The following ATP10B variants were observed in gnomAD, a reference collection of about 807,000 sequenced individuals.
ATP10B encodes ATPase phospholipid transporting 10B (putative).
In ATP10B, 122 loss-of-function variants were observed where a neutral mutation model predicts 141.2. That is an observed-to-expected ratio of 0.86 (90% CI 0.75 to 1.00). The LOEUF (loss-of-function observed/expected upper bound fraction) is 1.00, where lower values mean the gene tolerates loss of function less well. Ranked by LOEUF, ATP10B falls within the 50% of genes least tolerant of loss-of-function variation. The pLI, the probability that ATP10B is intolerant of heterozygous loss-of-function variation, is 0.00. For synonymous variants in ATP10B, 685 were observed against 692.0 expected (o/e 0.99, Z 0.16); for missense variants, 1,876 against 1,825.3 (o/e 1.03, Z -0.51).
At chr5:160,839,191 G>C (rs989575989) in intron 1 of ATP10B, among the ~76,000 whole-genome samples, 1 of 152,100 alleles carries the variant, frequency 6.6e-6, no homozygotes, top group South Asian at 2.1e-4. Flanking sequence ...GAATGAAATG[G>C]GATATTGAAT....
At chr5:160,845,429 T>C (rs1776061927) in intron 1 of ATP10B, among the ~76,000 whole-genome samples, 2 of 152,048 alleles carry the variant, frequency 1.3e-5, no homozygotes, top group African/African-American at 4.8e-5. Flanking sequence ...GAGAGGGTGG[T>C]GACTGGGAAG....
At position 160,564,671 on chromosome 5, in the gene ATP10B, T is replaced by TA. The variant is rs961252871; in HGVS notation, c.*781dup. 2.6e-5 allele frequency: 4 copies of TA among 152,070 alleles called. No individual in the cohort carries two copies. Among genetic ancestry groups the TA allele is most frequent in the African/African-American group, 9.7e-5 (4 of 41,404 alleles). The allele number at this position is 152,070 out of a possible 1,614,324, so 9.4% of individuals were successfully genotyped here. A position where few individuals can be genotyped will look rare whatever the true frequency, so the allele number is the denominator to read the frequency against. On this transcript the variant is annotated 3_prime_UTR_variant, in exon 26 of 26. Transcript: ENST00000327245. ...TAAAAATAGATACAATAAATAGCTT[T>TA]AAAAAAAGAGTGCCACCTATGTCCT...
chr5:160,836,761 A>G (rs1449630949), intron 1 of ATP10B, among the ~76,000 whole-genome samples: 2 of 152,052 alleles, frequency 1.3e-5, no homozygotes, highest in African/African-American at 2.4e-5. Context: ...ACACCCATGC[A>G]TAACCTTCAA....
intron 22 of ATP10B, among the ~76,000 whole-genome samples, chr5:160,592,425 T>G (rs1004100602): frequency 6.6e-6 from 1 of 152,040 alleles, no homozygotes; most frequent in African/African-American, 2.4e-5. Context: ...TAAGAAATAA[T>G]TGGGGCAGCC....
the ATP10B span, among the ~76,000 whole-genome samples, chr5:160,926,895 C>T: frequency 6.6e-6 from 1 of 152,224 alleles, no homozygotes. Flanking sequence ...CCTGTGTATT[C>T]GCTGCTCCCC....
intron 7 of ATP10B, among the ~76,000 whole-genome samples, chr5:160,654,552 C>T (rs1177123951): frequency 6.6e-6 from 1 of 152,176 alleles, no homozygotes; most frequent in African/African-American, 2.4e-5. Context: ...GGAGCACTTA[C>T]TATGTGCCAG....
intron 1 of ATP10B, among the ~76,000 whole-genome samples, chr5:160,796,271 C>CT (rs1406377547): frequency 6.6e-6 from 1 of 152,218 alleles, no homozygotes; most frequent in Non-Finnish European, 1.5e-5. Context: ...CTCCATCACC[C>CT]TCTCCAAGTC....
intron 7 of ATP10B, among the ~76,000 whole-genome samples, chr5:160,655,973 G>A (rs552603430): frequency 3.9e-5 from 6 of 152,210 alleles, no homozygotes; most frequent in African/African-American, 1.4e-4. Context: ...ATCACTCCCC[G>A]GGGTTGAGGT....
At chr5:160,637,930 G>A (rs959796097) in intron 10 of ATP10B, among the ~76,000 whole-genome samples, 1 of 152,222 alleles carries the variant, frequency 6.6e-6, no homozygotes, top group African/African-American at 2.4e-5. Flanking sequence ...ATGGCACAGA[G>A]TAAGGGCCAC....
the ATP10B span, among the ~76,000 whole-genome samples, chr5:160,866,113 T>C: frequency 6.6e-6 from 1 of 151,326 alleles, no homozygotes; most frequent in Non-Finnish European, 1.5e-5. Context: ...CATATGCACA[T>C]GTATGTTTAT....
At chr5:160,792,579 C>T (rs989873130) in intron 1 of ATP10B, among the ~76,000 whole-genome samples, 1 of 152,088 alleles carries the variant, frequency 6.6e-6, no homozygotes, top group African/African-American at 2.4e-5. Context: ...GAAAACAGTA[C>T]AGCAGTCACC....
intron 13 of ATP10B, 23 bp from the exon 14 acceptor site, chr5:160,622,608 A>G: frequency 6.3e-7 from 1 of 1,596,084 alleles, no homozygotes; most frequent in East Asian, 2.2e-5. Flanking sequence ...GGCCAGAATG[A>G]GAGTCTTTTC....
At chr5:160,629,182 G>A (rs1758774848) in intron 13 of ATP10B, among the ~76,000 whole-genome samples, 1 of 152,124 alleles carries the variant, frequency 6.6e-6, no homozygotes, top group East Asian at 1.9e-4. Context: ...ACAGAAGGCA[G>A]GTGGAAGGGG....
chr5:160,900,818 A>G, the ATP10B span, among the ~76,000 whole-genome samples: 1 of 151,680 alleles, frequency 6.6e-6, no homozygotes, highest in African/African-American at 2.4e-5. Context: ...TGGTTTAAAA[A>G]TATTTGTGAT....
At chr5:160,702,143 TACTTC>T (rs1561769867) in intron 3 of ATP10B, among the ~76,000 whole-genome samples, 1 of 152,232 alleles carries the variant, frequency 6.6e-6, no homozygotes, top group East Asian at 1.9e-4. Context: ...CACTAAGAAA[TACTTC>T]ACTTATTTGA....
At chr5:160,745,576 T>A (rs1034246082) in intron 2 of ATP10B, among the ~76,000 whole-genome samples, 1 of 152,250 alleles carries the variant, frequency 6.6e-6, no homozygotes, top group Non-Finnish European at 1.5e-5. Flanking sequence ...TCATGTGTCC[T>A]ATCTGGATCT....
At chr5:160,819,342 G>A (rs1773929333) in intron 1 of ATP10B, among the ~76,000 whole-genome samples, 1 of 152,076 alleles carries the variant, frequency 6.6e-6, no homozygotes, top group Non-Finnish European at 1.5e-5. Context: ...TATTCTTCAA[G>A]CATGAAGGAG....
intron 1 of ATP10B, among the ~76,000 whole-genome samples, chr5:160,798,141 A>G (rs143338779): frequency 0.01 from 1,575 of 152,114 alleles, 16 homozygotes; most frequent in South Asian, 0.026. Context: ...GCATTTCTAG[A>G]CAGAGAGGAC....
intron 24 of ATP10B, among the ~76,000 whole-genome samples, chr5:160,571,996 C>T (rs1754902960): frequency 6.6e-6 from 1 of 152,182 alleles, no homozygotes; most frequent in Admixed American, 6.5e-5. Flanking sequence ...GTCTCTTAGA[C>T]TCCTAACTTA....
Sources: gnomAD v4.1 joint callset for allele counts (sites outside exome capture counted in the v4.1 genomes callset) on GRCh38, gnomAD v4.1.1 for gene constraint, MANE v1.5 for transcripts, NCBI Gene and HGNC (gene_info 2026-07-23, HGNC 2026-07-21) for gene names.